Variants in LY6G5B observed in about 807,000 individuals in gnomAD.
The protein encoded by LY6G5B is lymphocyte antigen 6 complex locus protein G5b.
LY6G5B carries 6 observed loss-of-function variants against 6.7 expected under a neutral mutation model. That is an observed-to-expected ratio of 0.89 (90% confidence interval 0.49 to 1.76). LY6G5B has a LOEUF of 1.76. Ranked by LOEUF, LY6G5B falls within the 40% of genes most tolerant of loss-of-function variation. The probability of loss-of-function intolerance (pLI) is 0.01; values close to 1 mark genes in which losing one functional copy is unlikely to be tolerated. For missense variants in LY6G5B, 240 were observed against 249.5 expected (o/e 0.96, Z 0.26); for synonymous variants, 98 against 99.4 (o/e 0.99, Z 0.09).
At chr6:31,672,682 A>G (rs1405452133) in exon 3 of LY6G5B, 1 of 190,384 alleles carries the variant, frequency 5.3e-6, no homozygotes, top group African/African-American at 2.4e-5. Flanking sequence ...CTGACCTCGT[A>G]ATCTGCCCTC....
At chr6:31,672,450 T>G (rs41267066) in exon 3 of LY6G5B, 3 of 788,824 alleles carry the variant, frequency 3.8e-6, no homozygotes, top group Non-Finnish European at 2.0e-6. Flanking sequence ...TGGTGCTGTT[T>G]TTTTGTTTGT....
chr6:31,671,236 T>G (rs746110066), exon 2 of LY6G5B: 1 of 1,613,932 alleles, frequency 6.2e-7, no homozygotes, highest in South Asian at 1.1e-5. Flanking sequence ...CTCAGAGAAG[T>G]GTACCATCAG....
rs1802179002 is a variant in LY6G5B, at chr6:31,671,150, C to T, written c.59-6C>T. 9.3e-6 allele frequency: 15 copies of T among 1,614,020 alleles called. No homozygotes were observed. Among genetic ancestry groups the T allele is most frequent in the Non-Finnish European group, 1.3e-5 (15 of 1,179,990 alleles). ...AGTGCCTCCATCCCTCCTTCTGCCTCCCCAGTTCCTGTTCCCGACATCCGG... is the reference window on the plus strand; with the variant it reads ...AGTGCCTCCATCCCTCCTTCTGCCTTCCCAGTTCCTGTTCCCGACATCCGG... On this transcript the variant is annotated splice_polypyrimidine_tract_variant and splice_region_variant and intron_variant, in intron 1 of 2. Coordinates refer to ENST00000375864, the Ensembl canonical transcript of LY6G5B.
Position 31,671,018 on chromosome 6 carries a change from G to A in LY6G5B, c.58+10G>A, listed in dbSNP as rs754545135. The A allele has an allele frequency of 8.1e-6, 13 of 1,612,152 alleles. 1 individual carries two copies. Among genetic ancestry groups the A allele is most frequent in the Admixed American group, 5.0e-5 (3 of 59,876 alleles). The stretch of plus-strand genomic sequence containing the variant: ...TTCACAGTAGGAAAGGGTAAGTGGG[G>A]CCCAGGGGCAGGGAGGGAGGAAGGG... On this transcript the variant is annotated intron_variant, in intron 1 of 2. Coordinates refer to ENST00000375864, the Ensembl canonical transcript of LY6G5B.
chr6:31,670,052 G>A, upstream of LY6G5B: 4 of 816,398 alleles, frequency 4.9e-6, no homozygotes, highest in Non-Finnish European at 5.6e-6. Context: ...ATGAAATAAA[G>A]TAGAAGAAAA....
exon 3 of LY6G5B, chr6:31,671,937 C>T (rs771060295): frequency 7.7e-5 from 124 of 1,612,974 alleles, no homozygotes; most frequent in Admixed American, 1.7e-4. Context: ...AACGCAACAC[C>T]TACTTTGCAG....
At chr6:31,671,586 A>C (rs1023986519) in intron 2 of LY6G5B, among the ~76,000 whole-genome samples, 1 of 152,014 alleles carries the variant, frequency 6.6e-6, no homozygotes, top group Non-Finnish European at 1.5e-5. Flanking sequence ...GAGATCTCTT[A>C]AACTCAGGAG....
At chr6:31,672,843 C>G (rs1802331521) in exon 3 of LY6G5B, 1 of 156,540 alleles carries the variant, frequency 6.4e-6, no homozygotes, top group South Asian at 1.9e-4. Context: ...TCCATTCCTT[C>G]CCCATCATCT....
chr6:31,672,108 G>A (rs923904929), exon 3 of LY6G5B: 3 of 1,612,896 alleles, frequency 1.9e-6, no homozygotes, highest in South Asian at 2.2e-5. Context: ...ACCTCTCCCT[G>A]CCCCTCCCCA....
upstream of LY6G5B, chr6:31,669,982 T>G: frequency 1.4e-6 from 2 of 1,421,724 alleles, no homozygotes; most frequent in Middle Eastern, 3.6e-4. This position sits in a 1 kb window ranked among gnomAD's most constrained non-coding sequence, Gnocchi z 4.8. Context: ...TTTGCCACCC[T>G]TTCAGGAACC....
At chr6:31,671,256 C>T (rs766442006) in exon 2 of LY6G5B, 42 of 1,613,640 alleles carry the variant, frequency 2.6e-5, no homozygotes, top group Non-Finnish European at 3.5e-5. Flanking sequence ...GCAGCTCATC[C>T]CTGTGCATGG....
At chr6:31,670,573 C>G (rs1802136098) in exon 1 of LY6G5B, 2 of 233,380 alleles carry the variant, frequency 8.6e-6, no homozygotes, top group South Asian at 2.2e-4. Flanking sequence ...ATGACGAAGA[C>G]AGCACATGGT....
At chr6:31,670,805 G>A in exon 1 of LY6G5B, 1 of 788,144 alleles carries the variant, frequency 1.3e-6, no homozygotes, top group Non-Finnish European at 2.0e-6. Flanking sequence ...CCTGCCCCAA[G>A]TAGGAATATA....
At position 31,672,173 on chromosome 6, in the gene LY6G5B, T is replaced by C. The variant is rs145945674; in HGVS notation, c.497T>C (p.Leu166Pro). ...CTGGACCCCATGGTCACACTGTCCC[T>C]GAACCTGGGCTTGTCTTTTGCTGAG... is the stretch of plus-strand genomic sequence containing the variant. Residue 166 changes from leucine (L) to proline (P), a missense_variant, in exon 3 of 3, where the codon CTG becomes CCG. Leu to Pro is a moderately conservative substitution (Grantham distance 98). Coordinates refer to ENST00000375864, the Ensembl canonical transcript of LY6G5B. 741 of 1,613,172 alleles carry C rather than the reference T, an allele frequency of 4.6e-4. 2 individuals carry two copies. The African/African-American group carries it at 5.4e-3, about 12-fold the overall frequency.
exon 3 of LY6G5B, chr6:31,673,054 T>C (rs1329855670): frequency 6.6e-6 from 1 of 152,036 alleles, no homozygotes; most frequent in Non-Finnish European, 1.5e-5. Flanking sequence ...TCACTTGAGA[T>C]TGGGAGTTTG....
chr6:31,672,838 T>C (rs1307591364), exon 3 of LY6G5B: 1 of 156,626 alleles, frequency 6.4e-6, no homozygotes, highest in African/African-American at 2.4e-5. Flanking sequence ...GTTCCTCCAT[T>C]CCTTCCCCAT....
chr6:31,672,166 C>T (rs1288768209), exon 3 of LY6G5B: 1 of 1,613,058 alleles, frequency 6.2e-7, no homozygotes, highest in Admixed American at 1.7e-5. Flanking sequence ...CATGGTCACA[C>T]TGTCCCTGAA....
At chr6:31,669,978 A>G, upstream of LY6G5B, 1 of 1,470,090 alleles carries the variant, frequency 6.8e-7, no homozygotes, top group Non-Finnish European at 9.4e-7. The surrounding 1 kb of genome is among the most constrained non-coding windows in gnomAD (Gnocchi z 4.8). Context: ...CTTTTTTGCC[A>G]CCCTTTCAGG....
At chr6:31,670,110 A>G, upstream of LY6G5B, 1 of 620,994 alleles carries the variant, frequency 1.6e-6, no homozygotes, top group Non-Finnish European at 2.7e-6. Flanking sequence ...AGGGAAGGTG[A>G]TGGTGTGTTG....
Sources: allele counts gnomAD v4.1 joint callset (sites outside exome capture counted in the v4.1 genomes callset), GRCh38; gene constraint gnomAD v4.1.1; non-coding constraint Gnocchi (gnomAD v3.1); transcripts MANE v1.5; gene names NCBI Gene and HGNC (gene_info 2026-07-23, HGNC 2026-07-21).